Variants in PPARGC1B observed in about 807,000 individuals in gnomAD.
PPARGC1B encodes the protein PPARG coactivator 1 beta.
Under a neutral mutation model 101.6 loss-of-function variants are expected in PPARGC1B, and 34 were observed. The observed-to-expected ratio is 0.33, with a 90% CI of 0.25 to 0.45. PPARGC1B has a LOEUF of 0.45. Among genes scored for constraint, PPARGC1B ranks in the 20% least tolerant of loss-of-function variants. The pLI is 1.00. For synonymous variants in PPARGC1B, 548 were observed against 539.3 expected (o/e 1.02, Z -0.22); for missense variants, 1,234 against 1,317.6 (o/e 0.94, Z 0.98).
At chr5:149,737,090 C>T (rs1307188131) in intron 1 of PPARGC1B, among the ~76,000 whole-genome samples, 1 of 152,224 alleles carries the variant, frequency 6.6e-6, no homozygotes, top group Non-Finnish European at 1.5e-5. Context: ...CAACTCCTGA[C>T]AACCACTGAT....
chr5:149,772,830 C>G (rs1401367261), intron 1 of PPARGC1B, among the ~76,000 whole-genome samples: 5 of 152,000 alleles, frequency 3.3e-5, no homozygotes. Context: ...TAACTGCTGA[C>G]TGGGTGGCGG....
chr5:149,803,652 C>A (rs1262246782), intron 1 of PPARGC1B, among the ~76,000 whole-genome samples: 1 of 152,172 alleles, frequency 6.6e-6, no homozygotes, highest in African/African-American at 2.4e-5. Flanking sequence ...AGTTCAGGTG[C>A]CTGTTATTCT....
At chr5:149,815,138 CA>C (rs763262933) in intron 1 of PPARGC1B, among the ~76,000 whole-genome samples, 1 of 152,172 alleles carries the variant, frequency 6.6e-6, no homozygotes, top group Non-Finnish European at 1.5e-5. Flanking sequence ...GGTTTGAATC[CA>C]AGCTTCACCC....
chr5:149,823,709 A>G (rs899138562), intron 2 of PPARGC1B, among the ~76,000 whole-genome samples: 1 of 152,106 alleles, frequency 6.6e-6, no homozygotes, highest in African/African-American at 2.4e-5. Context: ...GTGGGCAGGG[A>G]TGGCTGCTCC....
intron 1 of PPARGC1B, among the ~76,000 whole-genome samples, chr5:149,815,190 C>CA (rs35024352): frequency 7.2e-5 from 11 of 152,096 alleles, no homozygotes; most frequent in Non-Finnish European, 1.5e-4. Flanking sequence ...TGTATCCTCT[C>CA]AAAAAAGGTG....
At chr5:149,783,689 C>T (rs77696424) in intron 1 of PPARGC1B, among the ~76,000 whole-genome samples, 2,642 of 152,250 alleles carry the variant, frequency 0.017, 90 homozygotes, top group African/African-American at 0.061. Flanking sequence ...TCTCCCTCTC[C>T]GGGTTTCAAA....
intron 1 of PPARGC1B, among the ~76,000 whole-genome samples, chr5:149,743,824 C>T (rs1374965185): frequency 6.6e-6 from 1 of 152,188 alleles, no homozygotes; most frequent in Admixed American, 6.5e-5. Context: ...TCAGAATACA[C>T]CTCCAGTGCA....
intron 1 of PPARGC1B, among the ~76,000 whole-genome samples, chr5:149,775,161 C>G (rs1295921178): frequency 1.3e-5 from 2 of 152,150 alleles, no homozygotes; most frequent in Admixed American, 1.3e-4. Context: ...ACTATCACCT[C>G]CTACTCTGGG....
At position 149,833,611 on chromosome 5, in the gene PPARGC1B, C is replaced by G; in HGVS notation, c.1538C>G (p.Pro513Arg). ...GCTCTGCCCTCACTGTGCCTGGCTCCCAAGGCCTACGACGTAGAGCGGGAG... is the reference window on the plus strand; with the variant it reads ...GCTCTGCCCTCACTGTGCCTGGCTCGCAAGGCCTACGACGTAGAGCGGGAG... ...QGALPSLCLA[P>R]KAYDVERELG... The change falls in exon 5 of 12, where the codon CCC becomes CGC. Residue 513 changes from proline to arginine, a missense_variant. Physicochemically the swap from Pro to Arg is moderately radical, Grantham distance 103 (BLOSUM62 -2). Coordinates refer to ENST00000309241, the MANE Select transcript of PPARGC1B (RefSeq NM_133263.4). This position sits in a 1 kb window ranked among gnomAD's most constrained non-coding sequence, Gnocchi z 4.1. 2 of 1,608,528 alleles carry G rather than the reference C, an allele frequency of 1.2e-6. No individual in the cohort carries two copies. Among genetic ancestry groups the G allele is most frequent in the East Asian group, 2.2e-5 (1 of 44,554 alleles).
At chr5:149,748,477 C>T (rs921605567) in intron 1 of PPARGC1B, among the ~76,000 whole-genome samples, 8 of 152,024 alleles carry the variant, frequency 5.3e-5, no homozygotes, top group Admixed American at 1.3e-4. Flanking sequence ...TGGAGGAAGC[C>T]GTGCAGCAGT....
intron 1 of PPARGC1B, among the ~76,000 whole-genome samples, chr5:149,737,236 T>C (rs753544263): frequency 4.6e-5 from 7 of 152,258 alleles, no homozygotes; most frequent in Non-Finnish European, 7.3e-5. Flanking sequence ...TTTCATGGCT[T>C]GATAGCTTAG....
chr5:149,795,829 G>A (rs995957609), intron 1 of PPARGC1B, among the ~76,000 whole-genome samples: 2 of 152,022 alleles, frequency 1.3e-5, no homozygotes, highest in Non-Finnish European at 2.9e-5. Context: ...GTATAACAGT[G>A]ATTAAGTACC....
intron 2 of PPARGC1B, among the ~76,000 whole-genome samples, chr5:149,825,621 C>T (rs1024225878): frequency 6.6e-6 from 1 of 152,232 alleles, no homozygotes; most frequent in African/African-American, 2.4e-5. Flanking sequence ...TTCTTCCTAG[C>T]CTTTCTCACG....
rs10056144 is a variant in PPARGC1B, at chr5:149,776,595, G to A, written c.79-43838G>A. Among the ~76,000 whole-genome samples the A allele has an allele frequency of 2.9e-3, 440 of 152,282 alleles. 1 individual carries two copies. Among genetic ancestry groups the A allele is most frequent in the African/African-American group, 9.8e-3 (406 of 41,540 alleles). ...GGGGATCTTGAGAGCATGTGTAGGT[G>A]GTTGCTGGTTTGATGAGAGTTGGGT... On this transcript the variant is annotated intron_variant, in intron 1 of 11. Coordinates refer to ENST00000309241, the MANE Select transcript of PPARGC1B (RefSeq NM_133263.4).
chr5:149,840,456 G>A lies in PPARGC1B; in HGVS notation c.2694+340G>A, dbSNP rs530686559. Among the ~76,000 whole-genome samples, 6 of 152,256 alleles carry A rather than the reference G, an allele frequency of 3.9e-5. No homozygotes were observed. The South Asian group carries it at 1.0e-3, about 26-fold the overall frequency. ...GTGGGGAGCAGAGCCAGGCTGGCCAGGTTACAAGTCAGCCCTGCCACCACC... is the reference window on the plus strand; with the variant it reads ...GTGGGGAGCAGAGCCAGGCTGGCCAAGTTACAAGTCAGCCCTGCCACCACC... On this transcript the variant is annotated intron_variant, in intron 9 of 11. Transcript: ENST00000309241.
chr5:149,854,925 G>GC lies in PPARGC1B; in HGVS notation c.*7367_*7368insC, dbSNP rs1759910488. ...TATTGTTTACATCACAGAAACTGTA[G>GC]AATCTCTATGCTCATGTACTGTAAA... On this transcript the variant is annotated 3_prime_UTR_variant, in exon 12 of 12. Coordinates refer to ENST00000309241, the MANE Select transcript of PPARGC1B (RefSeq NM_133263.4). The GC allele has an allele frequency of 6.6e-6, 1 of 152,162 alleles. No individual in the cohort carries two copies. Among genetic ancestry groups the GC allele is most frequent in the Non-Finnish European group, 1.5e-5 (1 of 68,022 alleles). 9.4% of individuals were successfully genotyped at this position (152,162 alleles called of 1,614,324 possible).
chr5:149,731,886 G>A (rs1223541446), intron 1 of PPARGC1B, among the ~76,000 whole-genome samples: 1 of 152,118 alleles, frequency 6.6e-6, no homozygotes, highest in East Asian at 1.9e-4. Context: ...GGCCGCCCCT[G>A]GCCCGCTGCA....
chr5:149,732,365 G>A lies in PPARGC1B; in HGVS notation c.78+1945G>A, dbSNP rs1294785973. ...CGGATGAGAGAGGCCTGAAATAGCC[G>A]GAGACTCGTTCAGGGACCCATGTCA... On this transcript the variant is annotated intron_variant, in intron 1 of 11. Transcript: ENST00000309241. Among the ~76,000 whole-genome samples the A allele has an allele frequency of 3.3e-5, 5 of 152,304 alleles. No homozygotes were observed. In the East Asian group the frequency reaches 5.8e-4, roughly 18 times the overall value.
At chr5:149,843,342 CGGCAAACTAA>C (rs1039044544) in intron 10 of PPARGC1B, among the ~76,000 whole-genome samples, 5 of 152,096 alleles carry the variant, frequency 3.3e-5, no homozygotes, top group Non-Finnish European at 5.9e-5. Flanking sequence ...CCTATTATAT[CGGCAAACTAA>C]GGCAAACTAA....
Sources: allele counts gnomAD v4.1 joint callset (sites outside exome capture counted in the v4.1 genomes callset), GRCh38; gene constraint gnomAD v4.1.1; non-coding constraint Gnocchi (gnomAD v3.1); transcripts MANE v1.5; gene names NCBI Gene and HGNC (gene_info 2026-07-23, HGNC 2026-07-21).